The following CDK15 variants were observed in gnomAD, a reference collection of about 807,000 sequenced individuals.
The protein encoded by CDK15 is cyclin dependent kinase 15.
Under a neutral mutation model 60.3 loss-of-function variants are expected in CDK15, and 62 were observed. The ratio of observed to expected loss-of-function variants is 1.03; its 90% CI spans 0.84 to 1.27. The LOEUF (loss-of-function observed/expected upper bound fraction) is 1.27. CDK15 is among the 50% of genes most tolerant of loss of function. The probability of loss-of-function intolerance (pLI) is 0.00; values close to 1 mark genes in which losing one functional copy is unlikely to be tolerated. For missense variants in CDK15, 541 were observed against 527.8 expected (o/e 1.03, Z -0.25); for synonymous variants, 194 against 195.7 (o/e 0.99, Z 0.07).
At chr2:201,836,465 T>G (rs1312748850) in intron 8 of CDK15, among the ~76,000 whole-genome samples, 2 of 151,826 alleles carry the variant, frequency 1.3e-5, no homozygotes, top group Non-Finnish European at 2.9e-5. Flanking sequence ...TTATGTTATT[T>G]TATTTTTTGA....
At position 201,894,628 on chromosome 2, in the gene CDK15, A is replaced by G. The variant is rs1699728353; in HGVS notation, c.*1361A>G. Reference sequence around the variant, plus strand: ...TGGACAACTTTATACAACTCCTTGAAGTAAGTACTATTATTATTAATTTAT... The same window carrying G: ...TGGACAACTTTATACAACTCCTTGAGGTAAGTACTATTATTATTAATTTAT... On this transcript the variant is annotated 3_prime_UTR_variant, in exon 14 of 14. Coordinates refer to ENST00000652192, the MANE Select transcript of CDK15 (RefSeq NM_001366386.2). 1 of 152,210 alleles carries G rather than the reference A, an allele frequency of 6.6e-6. No homozygotes were observed. The highest frequency in any genetic ancestry group is 1.5e-5 in the Non-Finnish European group (1 of 68,040). The allele number at this position is 152,210 out of a possible 1,614,324, so 9.4% of individuals were successfully genotyped here.
Position 201,893,288 on chromosome 2 carries a change from C to G in CDK15, c.*34-13C>G, listed in dbSNP as rs1000109816. ...CATTATTTTGATTGTGTTTATTTTTCATTCACTTCCAGGGCTGTATTTCTG... is the reference window on the plus strand; with the variant it reads ...CATTATTTTGATTGTGTTTATTTTTGATTCACTTCCAGGGCTGTATTTCTG... On this transcript the variant is annotated splice_polypyrimidine_tract_variant and intron_variant, in intron 13 of 13. Transcript: ENST00000652192. The G allele has an allele frequency of 6.6e-6, 1 of 152,172 alleles. No homozygotes were observed. The highest frequency in any genetic ancestry group is 1.9e-4 in the East Asian group (1 of 5,184). The allele number at this position is 152,172 out of a possible 1,614,324, so 9.4% of individuals were successfully genotyped here. A position where few individuals can be genotyped will look rare whatever the true frequency, so the allele number is the denominator to read the frequency against.
chr2:201,853,384 A>G (rs1359136916), intron 9 of CDK15, among the ~76,000 whole-genome samples: 1 of 152,228 alleles, frequency 6.6e-6, no homozygotes, highest in Non-Finnish European at 1.5e-5. Context: ...TTTAAAGACA[A>G]GCTTAACAGA....
chr2:201,810,201 A>G (rs1189298188), intron 3 of CDK15, among the ~76,000 whole-genome samples: 4 of 152,198 alleles, frequency 2.6e-5, no homozygotes, highest in Non-Finnish European at 5.9e-5. Flanking sequence ...GATAAGGCAA[A>G]CAAAAGAAAC....
At chr2:201,889,168 C>T in intron 12 of CDK15, 1 of 985,390 alleles carries the variant, frequency 1.0e-6, no homozygotes, top group South Asian at 4.7e-5. Flanking sequence ...GTGTGAGCAG[C>T]TTCCAGCAAA....
chr2:201,835,982 T>A (rs1240701669), intron 8 of CDK15, among the ~76,000 whole-genome samples: 23 of 32,246 alleles, frequency 7.1e-4, no homozygotes, highest in East Asian at 6.5e-3. Context: ...ATTTATATAT[T>A]TTTATATATT....
At chr2:201,817,460 G>A (rs1292631782) in intron 4 of CDK15, among the ~76,000 whole-genome samples, 1 of 152,174 alleles carries the variant, frequency 6.6e-6, no homozygotes, top group Non-Finnish European at 1.5e-5. Context: ...AATACATCAT[G>A]TTGTATATTC....
At chr2:201,870,613 C>T (rs903999701) in intron 10 of CDK15, among the ~76,000 whole-genome samples, 1 of 151,500 alleles carries the variant, frequency 6.6e-6, no homozygotes, top group Non-Finnish European at 1.5e-5. Context: ...CCTGTCATCC[C>T]AGCTACTCCA....
chr2:201,873,234 T>C (rs1270603387), intron 11 of CDK15, among the ~76,000 whole-genome samples: 1 of 152,184 alleles, frequency 6.6e-6, no homozygotes, highest in Non-Finnish European at 1.5e-5. Flanking sequence ...GTTAGGAACA[T>C]AGAACTATGG....
intron 3 of CDK15, among the ~76,000 whole-genome samples, chr2:201,809,303 G>A (rs1244627677): frequency 6.6e-6 from 1 of 152,132 alleles, no homozygotes; most frequent in African/African-American, 2.4e-5. Flanking sequence ...CCAGCCCGAA[G>A]TTTACACAGA....
At chr2:201,828,780 G>A (rs1192455172) in intron 6 of CDK15, among the ~76,000 whole-genome samples, 1 of 152,164 alleles carries the variant, frequency 6.6e-6, no homozygotes, top group Non-Finnish European at 1.5e-5. Context: ...TATCCAGAAG[G>A]TCTCTGTACC....
chr2:201,839,107 A>G (rs980842097), intron 8 of CDK15, among the ~76,000 whole-genome samples: 2 of 151,988 alleles, frequency 1.3e-5, no homozygotes, highest in Non-Finnish European at 2.9e-5. Context: ...GCTTTGTTTC[A>G]TTCAATATGT....
At chr2:201,814,480 C>T (rs1189346047) in intron 4 of CDK15, among the ~76,000 whole-genome samples, 1 of 152,192 alleles carries the variant, frequency 6.6e-6, no homozygotes, top group Admixed American at 6.5e-5. Flanking sequence ...GCTTGGAGCC[C>T]TTGTTAAAAG....
chr2:201,863,271 G>A (rs1214733735), intron 10 of CDK15, among the ~76,000 whole-genome samples: 2 of 152,042 alleles, frequency 1.3e-5, no homozygotes, highest in Non-Finnish European at 2.9e-5. Flanking sequence ...ATTGAGGGAG[G>A]AGTAGATGAT....
intron 12 of CDK15, among the ~76,000 whole-genome samples, chr2:201,887,887 G>A (rs183663064): frequency 9.2e-5 from 14 of 152,170 alleles, no homozygotes; most frequent in East Asian, 7.7e-4. Flanking sequence ...TAAAATTACC[G>A]CATAATCACG....
intron 8 of CDK15, among the ~76,000 whole-genome samples, chr2:201,846,567 C>CT (rs541348954): frequency 0.037 from 5,162 of 139,128 alleles, 312 homozygotes; most frequent in African/African-American, 0.13. Flanking sequence ...CTTTTTTTTT[C>CT]TTTTTTTTTT....
chr2:201,825,183 G>A (rs966277543), intron 6 of CDK15, among the ~76,000 whole-genome samples: 39 of 151,786 alleles, frequency 2.6e-4, no homozygotes, highest in African/African-American at 9.4e-4. Context: ...GTGTGGTGGC[G>A]CACACCTGTA....
intron 10 of CDK15, among the ~76,000 whole-genome samples, chr2:201,867,151 A>G (rs1007734230): frequency 6.6e-6 from 1 of 152,186 alleles, no homozygotes; most frequent in African/African-American, 2.4e-5. Context: ...GTTCTGCAAC[A>G]TGTATATACA....
At chr2:201,860,825 C>T (rs917900456) in intron 10 of CDK15, 1 of 1,352,048 alleles carries the variant, frequency 7.4e-7, no homozygotes, top group Non-Finnish European at 9.8e-7. Flanking sequence ...AGGAATGTCT[C>T]ATTTTGACCT....
Sources: allele counts gnomAD v4.1 joint callset (sites outside exome capture counted in the v4.1 genomes callset), GRCh38; gene constraint gnomAD v4.1.1; transcripts MANE v1.5; gene names NCBI Gene and HGNC (gene_info 2026-07-23, HGNC 2026-07-21).